The following GABBR2 variants were observed in gnomAD, a reference collection of about 807,000 sequenced individuals.
The protein encoded by GABBR2 is G-protein coupled receptor 51.
In GABBR2, 23 loss-of-function variants were observed where a neutral mutation model predicts 105.6. That is an observed-to-expected ratio of 0.22 (90% confidence interval 0.16 to 0.31). GABBR2 has a LOEUF of 0.31. Among genes scored for constraint, GABBR2 ranks in the 10% least tolerant of loss-of-function variants. The pLI, the probability that GABBR2 is intolerant of heterozygous loss-of-function variation, is 1.00. For missense variants in GABBR2, 734 were observed against 1,245.5 expected, an observed-to-expected ratio of 0.59 and a Z score of 6.18; for synonymous variants, 478 against 499.7, an observed-to-expected ratio of 0.96 and a Z score of 0.58.
chr9:98,346,494 G>A (rs1170705413), intron 13 of GABBR2, among the ~76,000 whole-genome samples: 1 of 152,142 alleles, frequency 6.6e-6, no homozygotes, highest in East Asian at 1.9e-4. Flanking sequence ...CTATTTTGGT[G>A]TGTGTATAAA....
Position 98,542,054 on chromosome 9 carries a change from CA to C in GABBR2, c.460-12del, listed in dbSNP as rs752289159. On this transcript the variant is annotated splice_polypyrimidine_tract_variant and intron_variant, in intron 2 of 18. Transcript: ENST00000259455. The stretch of plus-strand genomic sequence containing the variant: ...TGCAGCAAAAGAAAGCTGAAAAACA[CA>C]AAAGAGACAACGCTTTTTACTGATG... 21 of 1,612,596 alleles carry C rather than the reference CA, an allele frequency of 1.3e-5. No individual in the cohort carries two copies. The African/African-American group carries it at 2.4e-4, about 18-fold the overall frequency.
Position 98,301,696 on chromosome 9 carries a change from G to A in GABBR2, c.2412+1545C>T, listed in dbSNP as rs563386072. Among the ~76,000 whole-genome samples, 3 of 152,302 alleles carry A rather than the reference G, an allele frequency of 2.0e-5. No individual in the cohort carries two copies. The South Asian group carries it at 6.2e-4, about 32-fold the overall frequency. ...TTTAAGAGTTTTAAATAGTGGCCTGGGTTTCCTAATGTGACTGAACTCTTC... is the reference window on the plus strand; with the variant it reads ...TTTAAGAGTTTTAAATAGTGGCCTGAGTTTCCTAATGTGACTGAACTCTTC... On this transcript the variant is annotated intron_variant, in intron 16 of 18. Coordinates refer to ENST00000259455, the MANE Select transcript of GABBR2 (RefSeq NM_005458.8).
At chr9:98,509,165 G>C (rs1827581832) in intron 3 of GABBR2, among the ~76,000 whole-genome samples, 2 of 152,180 alleles carry the variant, frequency 1.3e-5, no homozygotes, top group South Asian at 4.2e-4. Context: ...ACAGGATCTG[G>C]AGTGGACCTC....
In GABBR2 at chr9:98,568,917, C is replaced by G. The variant is rs747807044; in HGVS notation, c.459+9018G>C. The stretch of plus-strand genomic sequence containing the variant: ...GGCATCTGATGACAGCCAGGAAGGA[C>G]TCTCCAAAGTCCCCAGGTCCTTGGG... On this transcript the variant is annotated intron_variant, in intron 2 of 18. Coordinates refer to ENST00000259455, the MANE Select transcript of GABBR2 (RefSeq NM_005458.8). Among the ~76,000 whole-genome samples the G allele has an allele frequency of 3.9e-5, 6 of 152,270 alleles. 1 individual carries two copies. The South Asian group carries it at 1.2e-3, about 32-fold the overall frequency.
At position 98,306,205 on chromosome 9, in the gene GABBR2, G is replaced by A. The variant is rs201613862; in HGVS notation, c.2145C>T (p.Asp715=). ...CGATGCAGAACTGCACATTGGGCTG[G>A]TCCCGGGTCAGGAAGGAGACAGCGG... ...IGAAVSFLTR[D]QPNVQFCIVA... Residue 715 remains aspartate (D), a synonymous_variant, in exon 15 of 19, where the codon GAC becomes GAT. Coordinates refer to ENST00000259455, the MANE Select transcript of GABBR2 (RefSeq NM_005458.8). This position sits in a 1 kb window ranked among gnomAD's most constrained non-coding sequence, Gnocchi z 5.4. 2.5e-6 allele frequency: 4 copies of A among 1,614,170 alleles called. No homozygotes were observed. In the African/African-American group the frequency reaches 5.3e-5, roughly 22 times the overall value.
intron 7 of GABBR2, among the ~76,000 whole-genome samples, chr9:98,429,031 A>G (rs10986216): frequency 0.13 from 19,779 of 152,154 alleles, 1,753 homozygotes; most frequent in East Asian, 0.37. Context: ...TTCATTTTAC[A>G]GAGGAAGAGA....
intron 13 of GABBR2, among the ~76,000 whole-genome samples, chr9:98,314,855 C>T (rs1203997838): frequency 6.6e-6 from 1 of 152,174 alleles, no homozygotes; most frequent in Non-Finnish European, 1.5e-5. Context: ...TTTACCACTC[C>T]TACAGGCTTT....
intron 10 of GABBR2, among the ~76,000 whole-genome samples, chr9:98,386,875 G>T (rs546402084): frequency 6.6e-6 from 1 of 152,306 alleles, no homozygotes; most frequent in African/African-American, 2.4e-5. Flanking sequence ...TTGGGAGCAG[G>T]GGGTCCAGGG....
intron 1 of GABBR2, among the ~76,000 whole-genome samples, chr9:98,668,616 T>G (rs983962240): frequency 1.3e-5 from 2 of 151,934 alleles, no homozygotes; most frequent in Non-Finnish European, 2.9e-5. Context: ...ACCATCCATC[T>G]CTACAACTTT....
chr9:98,318,494 T>C, intron 13 of GABBR2, among the ~76,000 whole-genome samples: 1 of 152,210 alleles, frequency 6.6e-6, no homozygotes. Context: ...CTGTGTGTCC[T>C]GTGCAGGGCT....
intron 1 of GABBR2, among the ~76,000 whole-genome samples, chr9:98,682,456 A>C (rs1830563484): frequency 7.2e-6 from 1 of 138,668 alleles, no homozygotes; most frequent in South Asian, 2.3e-4. Flanking sequence ...GCTCACTGCA[A>C]CTTCTGCCTC....
chr9:98,554,919 G>A (rs2131753467), intron 2 of GABBR2, among the ~76,000 whole-genome samples: 1 of 152,302 alleles, frequency 6.6e-6, no homozygotes, highest in Admixed American at 6.5e-5. Flanking sequence ...AAGAATGCTG[G>A]GTTTCAGTTT....
chr9:98,494,684 C>T (rs528453771), intron 4 of GABBR2, among the ~76,000 whole-genome samples: 53 of 151,744 alleles, frequency 3.5e-4, no homozygotes, highest in Admixed American at 1.7e-3. Context: ...TTGGGGAGGA[C>T]GAATTGAGCA....
intron 6 of GABBR2, among the ~76,000 whole-genome samples, chr9:98,462,281 A>C (rs1371901622): frequency 6.6e-6 from 1 of 152,210 alleles, no homozygotes; most frequent in Non-Finnish European, 1.5e-5. Context: ...AAATATACTA[A>C]TCACAAAGAA....
Position 98,514,404 on chromosome 9 carries a change from T to G in GABBR2, c.631-17890A>C, listed in dbSNP as rs1407888743. On this transcript the variant is annotated intron_variant, in intron 3 of 18. Transcript: ENST00000259455. ...ATGTACCCTAAAACTTAAAGTATAATAATAATAATAATAATAATAAAAAAG... is the reference window on the plus strand; with the variant it reads ...ATGTACCCTAAAACTTAAAGTATAAGAATAATAATAATAATAATAAAAAAG... 4.1e-5 allele frequency among the ~76,000 whole-genome samples: 4 copies of G among 97,758 alleles called. 1 individual carries two copies. The highest frequency in any genetic ancestry group is 1.3e-4 in the African/African-American group (4 of 30,242). The allele number at this position is 97,758 out of a possible 152,430, so 64.1% of individuals were successfully genotyped here.
At chr9:98,515,512 C>A (rs1372875943) in intron 3 of GABBR2, among the ~76,000 whole-genome samples, 1 of 152,150 alleles carries the variant, frequency 6.6e-6, no homozygotes, top group Admixed American at 6.5e-5. Context: ...ACATCCTAAG[C>A]CCCTAGCATT....
chr9:98,296,568 G>A (rs772600156), intron 17 of GABBR2, among the ~76,000 whole-genome samples: 1 of 152,074 alleles, frequency 6.6e-6, no homozygotes, highest in Non-Finnish European at 1.5e-5. Flanking sequence ...TCTGATCTTC[G>A]CCAGTCTTTG....
intron 3 of GABBR2, among the ~76,000 whole-genome samples, chr9:98,536,551 C>T (rs190128348): frequency 3.9e-5 from 6 of 152,276 alleles, no homozygotes; most frequent in Admixed American, 2.0e-4. Context: ...CCACCCCAAG[C>T]CCTATCTCCC....
intron 13 of GABBR2, among the ~76,000 whole-genome samples, chr9:98,345,388 G>A (rs541960049): frequency 6.6e-6 from 1 of 152,194 alleles, no homozygotes; most frequent in African/African-American, 2.4e-5. Flanking sequence ...GTCATCATTC[G>A]ACCTTCCTCT....
Sources: allele counts gnomAD v4.1 joint callset (sites outside exome capture counted in the v4.1 genomes callset), GRCh38; gene constraint gnomAD v4.1.1; non-coding constraint Gnocchi (gnomAD v3.1); transcripts MANE v1.5; gene names NCBI Gene and HGNC (gene_info 2026-07-23, HGNC 2026-07-21).